Variants in NOL4 observed in about 807,000 individuals in gnomAD.
NOL4 encodes the protein cancer/testis antigen 125.
NOL4 carries 17 observed loss-of-function variants against 75.9 expected under a neutral mutation model. That is an observed-to-expected ratio of 0.22 (90% confidence interval 0.15 to 0.34). NOL4 has a LOEUF of 0.34. Among genes scored for constraint, NOL4 ranks in the 10% least tolerant of loss-of-function variants. The pLI, the probability that NOL4 is intolerant of heterozygous loss-of-function variation, is 1.00. For synonymous variants in NOL4, 292 were observed against 289.9 expected, an observed-to-expected ratio of 1.01 and a Z score of -0.07; for missense variants, 614 against 793.5, an observed-to-expected ratio of 0.77 and a Z score of 2.72.
At chr18:34,040,454 G>A (rs2076092498) in intron 5 of NOL4, among the ~76,000 whole-genome samples, 1 of 151,880 alleles carries the variant, frequency 6.6e-6, no homozygotes. Flanking sequence ...CTATTTTCCT[G>A]AGGAAAAATG....
chr18:33,964,382 C>A (rs1190945234), intron 6 of NOL4, among the ~76,000 whole-genome samples: 1 of 151,216 alleles, frequency 6.6e-6, no homozygotes, highest in African/African-American at 2.4e-5. Context: ...CACTGTGTGT[C>A]TTCTGATATT....
chr18:33,975,306 G>C (rs974461262), intron 6 of NOL4, among the ~76,000 whole-genome samples: 17 of 152,102 alleles, frequency 1.1e-4, no homozygotes, highest in African/African-American at 4.1e-4. Context: ...AAAATTATGA[G>C]ACTTTTTTAT....
chr18:34,168,418 G>C (rs1391111570), intron 1 of NOL4, among the ~76,000 whole-genome samples: 2 of 151,224 alleles, frequency 1.3e-5, no homozygotes, highest in African/African-American at 4.8e-5. Context: ...TTAACTAAAG[G>C]AACTTCTAAA....
At chr18:33,999,453 T>C (rs1012554296) in intron 6 of NOL4, among the ~76,000 whole-genome samples, 9 of 152,138 alleles carry the variant, frequency 5.9e-5, no homozygotes, top group Non-Finnish European at 4.4e-5. Context: ...AATGTACATA[T>C]AATATGTTTA....
At chr18:34,028,587 G>A (rs557365187) in intron 5 of NOL4, among the ~76,000 whole-genome samples, 17 of 152,244 alleles carry the variant, frequency 1.1e-4, no homozygotes, top group South Asian at 1.0e-3. Flanking sequence ...CAGCCAGACC[G>A]GAAAAATGAA....
chr18:34,163,314 G>C (rs1279248665), intron 1 of NOL4, among the ~76,000 whole-genome samples: 1 of 151,824 alleles, frequency 6.6e-6, no homozygotes, highest in Non-Finnish European at 1.5e-5. Flanking sequence ...CCTGTTTGCA[G>C]ATGACATGAT....
At chr18:33,892,026 T>C (rs16965015) in intron 9 of NOL4, among the ~76,000 whole-genome samples, 2,581 of 152,226 alleles carry the variant, frequency 0.017, 66 homozygotes, top group African/African-American at 0.058. Context: ...AGTTAATTCA[T>C]GTTTTCATCT....
intron 1 of NOL4, among the ~76,000 whole-genome samples, chr18:34,142,574 C>T (rs2081217508): frequency 6.6e-6 from 1 of 152,138 alleles, no homozygotes; most frequent in South Asian, 2.1e-4. Context: ...AGCAAACTAT[C>T]GCAAGGACAA....
intron 10 of NOL4, among the ~76,000 whole-genome samples, chr18:33,868,306 A>G (rs760686070): frequency 6.6e-6 from 1 of 151,670 alleles, no homozygotes; most frequent in Non-Finnish European, 1.5e-5. Context: ...AGCTAGGATT[A>G]TAGGTGTGAG....
intron 5 of NOL4, among the ~76,000 whole-genome samples, chr18:34,050,150 A>AG (rs2076569795): frequency 6.6e-6 from 1 of 152,146 alleles, no homozygotes; most frequent in Non-Finnish European, 1.5e-5. Context: ...TTCACAATAT[A>AG]TGCAGATAAT....
rs143255048 is a variant in NOL4, at chr18:33,869,208, A to G, written c.1723+14036T>C. 1.5e-3 allele frequency among the ~76,000 whole-genome samples: 232 copies of G among 152,076 alleles called. 1 individual carries two copies. Among genetic ancestry groups the G allele is most frequent in the African/African-American group, 5.3e-3 (220 of 41,556 alleles). ...ATACTATAAATATAAGTTCATATTTATAAGGTATATATTTATAGGACAAAG... is the reference window on the plus strand; with the variant it reads ...ATACTATAAATATAAGTTCATATTTGTAAGGTATATATTTATAGGACAAAG... On this transcript the variant is annotated intron_variant, in intron 10 of 10. Coordinates refer to ENST00000261592, the MANE Select transcript of NOL4 (RefSeq NM_003787.5).
chr18:34,124,480 T>C (rs942267153), intron 2 of NOL4, among the ~76,000 whole-genome samples: 8 of 152,128 alleles, frequency 5.3e-5, no homozygotes, highest in African/African-American at 1.9e-4. Flanking sequence ...ATAGTTCCCC[T>C]TTTTTTGAAA....
intron 9 of NOL4, among the ~76,000 whole-genome samples, chr18:33,938,770 C>T (rs912306514): frequency 2.0e-5 from 3 of 152,128 alleles, no homozygotes; most frequent in East Asian, 3.9e-4. Flanking sequence ...TGCAGAAGCT[C>T]TTTAGTTTAA....
At position 33,895,786 on chromosome 18, in the gene NOL4, G is replaced by C. The variant is rs2065364024; in HGVS notation, c.1543-12362C>G. Among the ~76,000 whole-genome samples, 4 of 152,048 alleles carry C rather than the reference G, an allele frequency of 2.6e-5. No individual in the cohort carries two copies. The South Asian group carries it at 8.3e-4, about 31-fold the overall frequency. ...TCTGTTACCACTTCTATTCAACATA[G>C]TATTGGAAGTCTTAACCAGAACAAT... On this transcript the variant is annotated intron_variant, in intron 9 of 10. Transcript: ENST00000261592.
intron 1 of NOL4, among the ~76,000 whole-genome samples, chr18:34,208,316 G>A (rs956868352): frequency 2.6e-5 from 4 of 151,944 alleles, no homozygotes; most frequent in Non-Finnish European, 4.4e-5. Flanking sequence ...GAACCCTATG[G>A]TAGTTTTCTA....
chr18:34,083,219 C>A (rs1007582359), intron 5 of NOL4, among the ~76,000 whole-genome samples: 1 of 152,052 alleles, frequency 6.6e-6, no homozygotes, highest in Non-Finnish European at 1.5e-5. Flanking sequence ...GATGATTTCA[C>A]AATATTTTGG....
chr18:34,025,220 C>T (rs139550671), intron 5 of NOL4, among the ~76,000 whole-genome samples: 1 of 152,180 alleles, frequency 6.6e-6, no homozygotes, highest in Non-Finnish European at 1.5e-5. Context: ...TTTAAAAAGA[C>T]TCATGAAAGG....
chr18:34,184,826 T>C (rs559762310), intron 1 of NOL4, among the ~76,000 whole-genome samples: 10 of 152,054 alleles, frequency 6.6e-5, no homozygotes, highest in Non-Finnish European at 1.5e-4. Flanking sequence ...AAACAACTTA[T>C]GAAAATAAAC....
intron 1 of NOL4, among the ~76,000 whole-genome samples, chr18:34,186,347 G>T (rs920633958): frequency 6.6e-6 from 1 of 152,072 alleles, no homozygotes; most frequent in African/African-American, 2.4e-5. Context: ...TTATTTTAAA[G>T]TTCTAGGACC....
Sources: gnomAD v4.1 joint callset for allele counts (sites outside exome capture counted in the v4.1 genomes callset) on GRCh38, gnomAD v4.1.1 for gene constraint, MANE v1.5 for transcripts, NCBI Gene and HGNC (gene_info 2026-07-23, HGNC 2026-07-21) for gene names.